FAAH2: variants seen among roughly 807,000 people sequenced by gnomAD.
FAAH2 encodes fatty-acid amide hydrolase 2.
A neutral mutation model predicts 36.9 loss-of-function variants in FAAH2; 60 were observed. The observed-to-expected ratio is 1.63, with a 90% confidence interval of 1.32 to 2.02. FAAH2 has a LOEUF of 2.02. Among genes scored for constraint, FAAH2 ranks in the 30% most tolerant of loss-of-function variants. The pLI is 0.00. For synonymous variants in FAAH2, 214 were observed against 143.8 expected, an observed-to-expected ratio of 1.49 and a Z score of -3.49; for missense variants, 689 against 397.5, an observed-to-expected ratio of 1.73 and a Z score of -6.23.
the FAAH2 span, chrX:57,127,145 C>T: frequency 9.0e-6 from 1 of 110,815 alleles, no homozygotes; most frequent in African/African-American, 3.3e-5. Flanking sequence ...CTTAGCGTTC[C>T]CAGACTTAAA....
the FAAH2 span, among the ~76,000 whole-genome samples, chrX:57,248,004 T>G: frequency 8.9e-6 from 1 of 112,498 alleles, no homozygotes; most frequent in Non-Finnish European, 1.9e-5. Flanking sequence ...ATCATTTATT[T>G]ATTTAATGAG....
the FAAH2 span, among the ~76,000 whole-genome samples, chrX:57,190,168 A>C: frequency 9.1e-6 from 1 of 109,965 alleles, no homozygotes; most frequent in African/African-American, 3.3e-5. Context: ...TGAGTTCCTC[A>C]CAGTCCCAAC....
intron 7 of FAAH2, among the ~76,000 whole-genome samples, chrX:57,414,854 T>TC (rs1270675141): frequency 1.9e-5 from 2 of 105,321 alleles, no homozygotes; most frequent in Non-Finnish European, 3.9e-5. Context: ...CCTGGGCTTT[T>TC]TTTTTTTTTT....
intron 10 of FAAH2, among the ~76,000 whole-genome samples, chrX:57,470,155 C>T (rs61212074): frequency 0.36 from 40,061 of 109,938 alleles, 6,275 homozygotes; most frequent in Middle Eastern, 0.61. Context: ...CAGGAAAGAT[C>T]GAAATTTGAC....
At chrX:57,343,706 G>A (rs2053748740) in intron 5 of FAAH2, among the ~76,000 whole-genome samples, 1 of 111,298 alleles carries the variant, frequency 9.0e-6, no homozygotes, top group South Asian at 3.7e-4. Flanking sequence ...TGTTGAGAAG[G>A]GTATCTCCTA....
the FAAH2 span, among the ~76,000 whole-genome samples, chrX:57,229,785 C>T: frequency 8.9e-6 from 1 of 111,798 alleles, no homozygotes; most frequent in East Asian, 2.8e-4. Context: ...ATAATAGTTT[C>T]TATCATCTAA....
intron 5 of FAAH2, among the ~76,000 whole-genome samples, chrX:57,364,285 G>A (rs2054358078): frequency 1.8e-5 from 2 of 109,045 alleles, no homozygotes; most frequent in Admixed American, 2.0e-4. Flanking sequence ...AATCTTGGGA[G>A]GTTGTGAGTT....
At chrX:57,304,667 G>A (rs1005423022) in intron 2 of FAAH2, among the ~76,000 whole-genome samples, 2 of 111,969 alleles carry the variant, frequency 1.8e-5, no homozygotes, top group African/African-American at 6.5e-5. Context: ...AATAAAGAGA[G>A]TTGCCTGAAA....
intron 8 of FAAH2, among the ~76,000 whole-genome samples, chrX:57,439,937 T>C (rs1366427266): frequency 1.1e-3 from 120 of 111,481 alleles, no homozygotes; most frequent in African/African-American, 3.7e-3. Flanking sequence ...TTTCTGAGGG[T>C]TCTGTTCTCT....
chrX:57,147,595 C>T, the FAAH2 span, among the ~76,000 whole-genome samples: 2 of 111,544 alleles, frequency 1.8e-5, no homozygotes, highest in East Asian at 2.8e-4. Context: ...TTTTCTTCTG[C>T]TGTGTTTGGT....
intron 5 of FAAH2, among the ~76,000 whole-genome samples, chrX:57,351,642 T>A (rs1337913526): frequency 1.8e-5 from 2 of 109,686 alleles, no homozygotes; most frequent in Admixed American, 1.9e-4. Context: ...AAAGGAAACA[T>A]TGAAATTTAT....
chrX:57,456,545 A>G (rs903529177), intron 10 of FAAH2, among the ~76,000 whole-genome samples: 1 of 112,200 alleles, frequency 8.9e-6, no homozygotes, highest in Non-Finnish European at 1.9e-5. Flanking sequence ...ACCATTAGCT[A>G]AACTAACAAG....
At chrX:57,338,047 T>C (rs890313296) in intron 4 of FAAH2, among the ~76,000 whole-genome samples, 10 of 112,194 alleles carry the variant, frequency 8.9e-5, no homozygotes, top group Non-Finnish European at 1.3e-4. Flanking sequence ...ATAAGCAACT[T>C]CAACAAAGTC....
the FAAH2 span, among the ~76,000 whole-genome samples, chrX:57,151,645 C>T: frequency 9.0e-6 from 1 of 111,282 alleles, no homozygotes; most frequent in Non-Finnish European, 1.9e-5. Flanking sequence ...ATTGGTGATT[C>T]TAGGTATCCA....
At chrX:57,458,086 T>C (rs1484607179) in intron 10 of FAAH2, among the ~76,000 whole-genome samples, 2 of 111,648 alleles carry the variant, frequency 1.8e-5, no homozygotes, top group Non-Finnish European at 3.8e-5. Flanking sequence ...ATGGTACTGC[T>C]GCAAAAAAAG....
intron 2 of FAAH2, among the ~76,000 whole-genome samples, chrX:57,306,412 G>A (rs1211102758): frequency 1.8e-5 from 2 of 110,827 alleles, no homozygotes; most frequent in South Asian, 3.9e-4. Flanking sequence ...TGGCTTATGG[G>A]TGTGAAAAGG....
chrX:57,288,628 G>C (rs1016657975), intron 1 of FAAH2, among the ~76,000 whole-genome samples: 1 of 110,352 alleles, frequency 9.1e-6, no homozygotes, highest in Non-Finnish European at 1.9e-5. Context: ...GGAATTACAG[G>C]TGTGAGCCAC....
chrX:57,133,974 G>A, the FAAH2 span, among the ~76,000 whole-genome samples: 3 of 111,137 alleles, frequency 2.7e-5, no homozygotes, highest in African/African-American at 6.6e-5. Flanking sequence ...ATGGAGTTAC[G>A]GTAACCTGGG....
chrX:57,259,506 G>A, the FAAH2 span, among the ~76,000 whole-genome samples: 2 of 111,991 alleles, frequency 1.8e-5, no homozygotes, highest in Non-Finnish European at 3.8e-5. Context: ...TGGACTTTAT[G>A]CTCTGAGAAT....
Sources: allele counts gnomAD v4.1 joint callset (sites outside exome capture counted in the v4.1 genomes callset), GRCh38; gene constraint gnomAD v4.1.1; transcripts MANE v1.5; gene names NCBI Gene and HGNC (gene_info 2026-07-23, HGNC 2026-07-21).